The following DMD variants were observed in gnomAD, a reference collection of about 807,000 sequenced individuals.
The protein encoded by DMD is dystrophin, also known as mutant dystrophin.
Under a neutral mutation model 330.1 loss-of-function variants are expected in DMD, and 63 were observed. That is an observed-to-expected ratio of 0.19 (90% CI 0.16 to 0.24). DMD has a LOEUF of 0.24. Among genes scored for constraint, DMD ranks in the 10% least tolerant of loss-of-function variants. DMD has a pLI of 1.00. For missense variants in DMD, 3,344 were observed against 2,684.1 expected (o/e 1.25, Z -5.43); for synonymous variants, 1,223 against 959.8 (o/e 1.27, Z -5.07).
intron 7 of DMD, among the ~76,000 whole-genome samples, chrX:32,770,097 G>A (rs1371709958): frequency 8.9e-6 from 1 of 111,878 alleles, no homozygotes; most frequent in Non-Finnish European, 1.9e-5. Flanking sequence ...TTAAGAATGG[G>A]TACAGAACAC....
At chrX:32,416,606 G>T (rs1170565513) in intron 29 of DMD, among the ~76,000 whole-genome samples, 1 of 111,873 alleles carries the variant, frequency 8.9e-6, no homozygotes, top group Non-Finnish European at 1.9e-5. Context: ...TGAAGTTTCT[G>T]CTTAGGGTAG....
rs761879508 is a variant in DMD at position 33,217,733 on chromosome X, T to TTA, written c.7+121524_7+121525dup. ...AGCAGATCTCTAGAACTTATTCATC[T>TTA]TATATAAATGAAACTTCATATTCAT... On this transcript the variant is annotated intron_variant, in intron 1 of 17. Coordinates refer to the DMD transcript ENST00000288447. Among the ~76,000 whole-genome samples the TTA allele has an allele frequency of 2.1e-4, 24 of 111,979 alleles. 1 individual carries two copies. The South Asian group carries it at 5.5e-3, about 26-fold the overall frequency.
intron 54 of DMD, among the ~76,000 whole-genome samples, chrX:31,642,690 T>A (rs946429157): frequency 1.8e-5 from 2 of 111,711 alleles, no homozygotes; most frequent in South Asian, 3.8e-4. Context: ...TTTATTTTAA[T>A]CCAATGTTCC....
intron 1 of DMD, among the ~76,000 whole-genome samples, chrX:33,135,980 C>A (rs1009896172): frequency 9.0e-6 from 1 of 111,220 alleles, no homozygotes; most frequent in East Asian, 2.8e-4. Context: ...TTGTGTTTTT[C>A]TGTATTCTAC....
chrX:31,215,119 T>G, intron 64 of DMD, among the ~76,000 whole-genome samples: 1 of 107,479 alleles, frequency 9.3e-6, no homozygotes, highest in Non-Finnish European at 1.9e-5. Flanking sequence ...TTTTTTGTAT[T>G]TTTAGTAGAG....
At chrX:33,074,091 G>A (rs1057274875) in intron 1 of DMD, among the ~76,000 whole-genome samples, 2 of 111,079 alleles carry the variant, frequency 1.8e-5, no homozygotes, top group Non-Finnish European at 3.8e-5. Context: ...AACTAACTTA[G>A]GAGTATGGGC....
At chrX:32,561,823 T>A (rs1314597554) in intron 16 of DMD, among the ~76,000 whole-genome samples, 1 of 111,770 alleles carries the variant, frequency 8.9e-6, no homozygotes, top group Non-Finnish European at 1.9e-5. Context: ...GGGAAGCCCA[T>A]CAGGGTAACA....
chrX:31,182,762 T>C lies in DMD; in HGVS notation c.9950A>G (p.Lys3317Arg). Residue 3317 changes from lysine to arginine, a missense_variant, in exon 68 of 79, where the codon AAA (lysine) becomes AGA (arginine). Coordinates refer to ENST00000357033, the MANE Select transcript of DMD (RefSeq NM_004006.3). ...AKHQAKCNIC[K>R]ECPIIGFRYR... Reference sequence around the variant, plus strand: ...CCTGAATCCAATGATTGGACACTCTTTGCAGATGTTACATTTGGCCTGATG... The same window carrying C: ...CCTGAATCCAATGATTGGACACTCTCTGCAGATGTTACATTTGGCCTGATG... 8.3e-7 allele frequency: 1 copy of C among 1,210,652 alleles called. No individual in the cohort carries two copies. Among genetic ancestry groups the C allele is most frequent in the Non-Finnish European group, 1.1e-6 (1 of 895,006 alleles).
intron 2 of DMD, among the ~76,000 whole-genome samples, chrX:32,922,275 A>G (rs1263403555): frequency 1.8e-5 from 2 of 111,483 alleles, no homozygotes; most frequent in Non-Finnish European, 3.8e-5. Flanking sequence ...CTAAGTAATA[A>G]AAACAATTGT....
chrX:32,446,039 T>C (rs2098302782), intron 27 of DMD, among the ~76,000 whole-genome samples: 1 of 110,224 alleles, frequency 9.1e-6, no homozygotes, highest in South Asian at 3.7e-4. Context: ...ATAGAAAATA[T>C]TAAAGGGAAA....
intron 1 of DMD, among the ~76,000 whole-genome samples, chrX:33,249,000 G>A (rs976373346): frequency 3.6e-5 from 4 of 112,542 alleles, no homozygotes; most frequent in Non-Finnish European, 7.5e-5. Context: ...TAGGAAAATT[G>A]CAGAATGCAG....
intron 47 of DMD, among the ~76,000 whole-genome samples, chrX:31,906,122 C>A (rs546768858): frequency 9.0e-6 from 1 of 111,109 alleles, no homozygotes; most frequent in African/African-American, 3.3e-5. Context: ...TGAGTTCTCA[C>A]GAGGTCTGAT....
intron 7 of DMD, among the ~76,000 whole-genome samples, chrX:32,771,732 T>G (rs960147017): frequency 2.7e-5 from 3 of 111,557 alleles, no homozygotes; most frequent in African/African-American, 9.8e-5. Context: ...TTTCAGAGGT[T>G]GACTATTTTA....
intron 57 of DMD, among the ~76,000 whole-genome samples, chrX:31,482,395 T>G (rs1329741608): frequency 9.0e-6 from 1 of 111,147 alleles, no homozygotes; most frequent in Non-Finnish European, 1.9e-5. Context: ...ATACGTTGAG[T>G]GCCTACATAT....
chrX:32,693,494 G>A (rs2063432574), intron 9 of DMD, among the ~76,000 whole-genome samples: 1 of 111,841 alleles, frequency 8.9e-6, no homozygotes, highest in South Asian at 3.7e-4. Flanking sequence ...AGGCTGGAGT[G>A]CAGTGGCCGA....
intron 4 of DMD, among the ~76,000 whole-genome samples, chrX:32,838,485 G>A (rs191612021): frequency 1.8e-5 from 2 of 111,128 alleles, no homozygotes; most frequent in Non-Finnish European, 3.8e-5. Context: ...TTATGAGTCA[G>A]AACATGCGGT....
intron 9 of DMD, among the ~76,000 whole-genome samples, chrX:32,653,762 T>A (rs1345038150): frequency 1.8e-5 from 2 of 112,026 alleles, no homozygotes; most frequent in Non-Finnish European, 3.8e-5. Context: ...ATGGCCATTT[T>A]CACAATATTG....
Position 31,120,875 on chromosome X carries a change from A to G in DMD, c.*1044T>C, listed in dbSNP as rs1043396904. The stretch of plus-strand genomic sequence containing the variant: ...AGCAGGAAGCTGAATGTATCAATCA[A>G]TCAATCAATCAACCAACCAACCGAT... On this transcript the variant is annotated 3_prime_UTR_variant, in exon 79 of 79. Coordinates refer to ENST00000357033, the MANE Select transcript of DMD (RefSeq NM_004006.3). 2 of 108,787 alleles carry G rather than the reference A, an allele frequency of 1.8e-5. No homozygotes were observed. Among genetic ancestry groups the G allele is most frequent in the Non-Finnish European group, 3.8e-5 (2 of 52,999 alleles). The allele number at this position is 108,787 out of a possible 1,213,427, so 9.0% of individuals were successfully genotyped here.
intron 7 of DMD, among the ~76,000 whole-genome samples, chrX:32,780,485 C>T (rs1371988289): frequency 1.8e-5 from 2 of 111,896 alleles, no homozygotes; most frequent in East Asian, 5.6e-4. Flanking sequence ...TATGTTTTAG[C>T]ATAGTTAATA....
Sources: allele counts gnomAD v4.1 joint callset (sites outside exome capture counted in the v4.1 genomes callset), GRCh38; gene constraint gnomAD v4.1.1; transcripts MANE v1.5; gene names NCBI Gene and HGNC (gene_info 2026-07-23, HGNC 2026-07-21).